The following LRRC45 variants were observed in gnomAD, a reference collection of about 807,000 sequenced individuals.
The protein encoded by LRRC45 is leucine-rich repeat-containing protein 45.
A neutral mutation model predicts 85.4 loss-of-function variants in LRRC45; 73 were observed. The observed-to-expected ratio is 0.85, with a 90% CI of 0.71 to 1.04. The LOEUF is 1.04. LRRC45 is among the 50% of genes least tolerant of loss of function. LRRC45 has a pLI of 0.00. For missense variants in LRRC45, 937 were observed against 883.3 expected (o/e 1.06, Z -0.77); for synonymous variants, 429 against 386.0 (o/e 1.11, Z -1.31).
intron 4 of LRRC45, 48 bp downstream of exon 4, chr17:82,025,226 C>T (rs754899929): frequency 1.8e-5 from 28 of 1,548,306 alleles, no homozygotes; most frequent in Non-Finnish European, 2.3e-5. Flanking sequence ...TCTGAGGCTG[C>T]CTCTGCTCTG....
Position 82,030,448 on chromosome 17 carries a change from C to T in LRRC45, c.1798C>T (p.Leu600=), listed in dbSNP as rs1425227293. ...QEALREKAAA[L]ERQLKVMASD... is the part of the protein sequence containing the mutation. ...GGCGCTGAGGGAGAAGGCGGCGGCCCTGGAGCGCCAGCTGAAAGGTGAGCC... is the reference window on the plus strand; with the variant it reads ...GGCGCTGAGGGAGAAGGCGGCGGCCTTGGAGCGCCAGCTGAAAGGTGAGCC... The change falls in exon 16 of 17, where the codon CTG becomes TTG. Residue 600 remains leucine (L), a synonymous_variant. Coordinates refer to ENST00000306688, the MANE Select transcript of LRRC45 (RefSeq NM_144999.4). 1.3e-6 allele frequency: 2 copies of T among 1,546,312 alleles called. No individual in the cohort carries two copies. The highest frequency in any genetic ancestry group is 2.4e-5 in the East Asian group (1 of 41,048).
rs138761482 is a variant in LRRC45, at chr17:82,027,680, G to A, written c.840G>A (p.Ser280=). 1.5e-5 allele frequency: 24 copies of A among 1,610,102 alleles called. No homozygotes were observed. The highest frequency in any genetic ancestry group is 3.3e-5 in the South Asian group (3 of 90,560). Residue 280 remains serine, a synonymous_variant, in exon 8 of 17, where the codon TCG becomes TCA. Transcript: ENST00000306688. ...CCCTCCTCTCTGCCCACAGGGCGTC[G>A]GCAGCCCGTGTAGGGCAGCTTCAGG... ...REEMAKSSRA[S]AARVGQLQEA...
At chr17:82,027,317 T>C (rs935545393) in intron 6 of LRRC45, 69 bp from the exon 7 acceptor site, 7 of 1,578,334 alleles carry the variant, frequency 4.4e-6, no homozygotes, top group Non-Finnish European at 6.1e-6. Context: ...TGGCTCTCCT[T>C]CCCCCTGAGA....
rs778220280 is a variant in LRRC45 at position 82,024,353 on chromosome 17, A to G, written c.282+14A>G. On this transcript the variant is annotated intron_variant, in intron 2 of 16. Transcript: ENST00000306688. ...CTGGACTTAAAGGTGAGATACCTGC[A>G]CTCTTGAGTGTCCGAGTGTGCCACC... is the stretch of plus-strand genomic sequence containing the variant. 2 of 1,611,420 alleles carry G rather than the reference A, an allele frequency of 1.2e-6. No individual in the cohort carries two copies. The highest frequency in any genetic ancestry group is 8.5e-7 in the Non-Finnish European group (1 of 1,179,802).
At chr17:82,024,555 C>T in intron 2 of LRRC45, 138 bp from the exon 3 acceptor site, 2 of 1,102,344 alleles carry the variant, frequency 1.8e-6, no homozygotes, top group Non-Finnish European at 1.3e-6. Context: ...CCCCTGAAGA[C>T]AGGGAGCCCA....
intron 1 of LRRC45, 137 bp downstream of exon 1, chr17:82,024,000 C>T (rs1428863138): frequency 2.4e-6 from 2 of 829,124 alleles, no homozygotes; most frequent in Non-Finnish European, 3.7e-6. Context: ...CCCCTTCCTG[C>T]ACCTGGGAGT....
rs771444733 is a variant in LRRC45 at position 82,029,203 on chromosome 17, A to G, written c.1401+18A>G. ...TGGAGGAGGTGAGTGCCCACCAGGC[A>G]GGGCCAAGCTCTGCCTTAGTCCTGG... On this transcript the variant is annotated intron_variant, in intron 13 of 16. Transcript: ENST00000306688. The G allele has an allele frequency of 6.2e-7, 1 of 1,605,064 alleles. No individual in the cohort carries two copies. Among genetic ancestry groups the G allele is most frequent in the African/African-American group, 1.3e-5 (1 of 74,828 alleles).
rs2043386010 is a variant in LRRC45 at position 82,028,239 on chromosome 17, T to G, written c.1053T>G (p.Ala351=). 6.4e-7 allele frequency: 1 copy of G among 1,573,584 alleles called. No individual in the cohort carries two copies. Among genetic ancestry groups the G allele is most frequent in the Admixed American group, 1.9e-5 (1 of 53,630 alleles). ...ATACCCCGTTCCCCTCCCAGGAAGC[T>G]GCAGAGCGGGAGTCTAAACTCCTCA... ...AKELKLEQQE[A]AERESKLLRD... Residue 351 remains alanine, a synonymous_variant, in exon 10 of 17, where the codon GCT becomes GCG. Transcript: ENST00000306688.
At chr17:82,024,953 G>A (rs1169179345) in intron 3 of LRRC45, 47 bp from the exon 4 acceptor site, 1 of 1,495,088 alleles carries the variant, frequency 6.7e-7, no homozygotes. Context: ...GGACCCCACG[G>A]GCTAGGCAGT....
At chr17:82,028,950 C>G (rs751394943) in intron 12 of LRRC45, 143 bp from the exon 13 acceptor site, 2 of 786,756 alleles carry the variant, frequency 2.5e-6, no homozygotes, top group South Asian at 1.7e-5. Flanking sequence ...GCGGTAGTTT[C>G]CTGCTAGGCC....
chr17:82,027,789 G>T, intron 8 of LRRC45, 38 bp downstream of exon 8: 1 of 1,597,928 alleles, frequency 6.3e-7, no homozygotes, highest in South Asian at 1.1e-5. Context: ...TCAGAGACGT[G>T]CCCACAGGGC....
Position 82,025,058 on chromosome 17 carries a change from G to A in LRRC45, c.412G>A (p.Gly138Arg), listed in dbSNP as rs780306000. The A allele has an allele frequency of 4.9e-5, 79 of 1,608,754 alleles. No individual in the cohort carries two copies. The highest frequency in any genetic ancestry group is 2.3e-4 in the Admixed American group (14 of 59,578). The change falls in exon 4 of 17, where the codon GGG (glycine) becomes AGG (arginine). Residue 138 changes from glycine (G) to arginine (R), a missense_variant. Gly to Arg is a moderately radical substitution (Grantham distance 125, BLOSUM62 -2). Coordinates refer to ENST00000306688, the MANE Select transcript of LRRC45 (RefSeq NM_144999.4). ...TWDDAFATFC[G>R]GLAANGALQR... The stretch of plus-strand genomic sequence containing the variant: ...GGACGATGCCTTCGCCACCTTCTGC[G>A]GGGGCCTGGCGGCCAACGGCGCCCT...
chr17:82,025,081 C>T lies in LRRC45; in HGVS notation c.435C>T (p.Ala145=). The part of the protein sequence containing the change: ...TFCGGLAANG[A]LQRLDLRNNQ... ...GCGGGGGCCTGGCGGCCAACGGCGC[C>T]CTGCAGCGGCTGGACCTCCGCAACA... is the stretch of plus-strand genomic sequence containing the variant. Residue 145 remains alanine, a synonymous_variant, in exon 4 of 17, where the codon GCC becomes GCT. Transcript: ENST00000306688. The T allele has an allele frequency of 6.2e-7, 1 of 1,610,358 alleles. No individual in the cohort carries two copies. The highest frequency in any genetic ancestry group is 8.5e-7 in the Non-Finnish European group (1 of 1,178,900).
In LRRC45 at chr17:82,030,368, G is replaced by C. The variant is rs761934937; in HGVS notation, c.1718G>C (p.Arg573Pro). 5 of 1,549,782 alleles carry C rather than the reference G, an allele frequency of 3.2e-6. No individual in the cohort carries two copies. The highest frequency in any genetic ancestry group is 2.7e-5 in the African/African-American group (2 of 73,078). Residue 573 changes from arginine to proline, a missense_variant, in exon 16 of 17, where the codon CGC (arginine) becomes CCC (proline). Coordinates refer to ENST00000306688, the MANE Select transcript of LRRC45 (RefSeq NM_144999.4). Reference sequence around the variant, plus strand: ...AGGGTGGCCGAGGTGAGCAGGGTGCGCGTGGAGCTGCAGGAGCAGAACGGC... The same window carrying C: ...AGGGTGGCCGAGGTGAGCAGGGTGCCCGTGGAGCTGCAGGAGCAGAACGGC... Reference protein sequence around the residue: ...QERVAEVSRVRVELQEQNGRL... With the variant: ...QERVAEVSRVPVELQEQNGRL...
At position 82,030,638 on chromosome 17, in the gene LRRC45, C is replaced by A; in HGVS notation, c.1846C>A (p.Leu616Met). 1 of 1,416,652 alleles carries A rather than the reference C, an allele frequency of 7.1e-7. No individual in the cohort carries two copies. Among genetic ancestry groups the A allele is most frequent in the Non-Finnish European group, 9.2e-7 (1 of 1,084,560 alleles). 87.8% of individuals were successfully genotyped at this position (1,416,652 alleles called of 1,614,324 possible). ...GGCGAGCGACCACCGAGAGGCGCTG[C>A]TGGACAGGGAGAGCGAGAACGCGTC... ...VMASDHREAL[L>M]DRESENASLR... The change falls in exon 17 of 17, where the codon CTG becomes ATG. Residue 616 changes from leucine (L) to methionine (M), a missense_variant. Physicochemically the swap from Leu to Met is conservative, Grantham distance 15 (BLOSUM62 2). Transcript: ENST00000306688.
chr17:82,028,326 T>C lies in LRRC45; in HGVS notation c.1125+15T>C, dbSNP rs752546807. On this transcript the variant is annotated intron_variant, in intron 10 of 16. Transcript: ENST00000306688. The stretch of plus-strand genomic sequence containing the variant: ...TGCAAAACCAGGTAGCTGTGGTGGA[T>C]GGAGCCAGGGAGCCCAGGGTGGGCG... 11 of 1,601,196 alleles carry C rather than the reference T, an allele frequency of 6.9e-6. 1 individual carries two copies. The South Asian group carries it at 1.1e-4, about 16-fold the overall frequency.
rs376086300 is a variant in LRRC45, at chr17:82,023,695, G to A, written c.52G>A (p.Glu18Lys). ...YSRLCRESGA[E>K]PQEAVLQQLH... ...CCGCCTGTGCAGGGAGAGTGGGGCC[G>A]AGCCCCAGGAGGCTGTCCTGCAGCA... Residue 18 changes from glutamate (E) to lysine (K), a missense_variant, in exon 1 of 17, where the codon GAG becomes AAG. Transcript: ENST00000306688. The A allele has an allele frequency of 1.3e-6, 2 of 1,552,474 alleles. No homozygotes were observed. Among genetic ancestry groups the A allele is most frequent in the African/African-American group, 1.3e-5 (1 of 74,084 alleles).
chr17:82,027,935 C>G (rs906337907), intron 8 of LRRC45, 76 bp from the exon 9 acceptor site: 3 of 1,541,022 alleles, frequency 1.9e-6, no homozygotes, highest in Admixed American at 3.7e-5. Flanking sequence ...TGCCCAGCAA[C>G]AGTGAAAGCA....
chr17:82,028,464 C>G lies in LRRC45; in HGVS notation c.1193C>G (p.Thr398Ser), dbSNP rs1470697895. ...EQLFQTRQEMTSMSAELKMRA... is the reference protein window; with the variant it reads ...EQLFQTRQEMSSMSAELKMRA... ...CTGTTCCAGACCAGGCAGGAGATGACCAGCATGTCAGCTGAGCTGAAGATG... is the reference window on the plus strand; with the variant it reads ...CTGTTCCAGACCAGGCAGGAGATGAGCAGCATGTCAGCTGAGCTGAAGATG... The change falls in exon 11 of 17, where the codon ACC becomes AGC. Residue 398 changes from threonine (T) to serine (S), a missense_variant. Thr to Ser is a moderately conservative substitution (Grantham distance 58, BLOSUM62 1). Coordinates refer to ENST00000306688, the MANE Select transcript of LRRC45 (RefSeq NM_144999.4). 2 of 1,612,694 alleles carry G rather than the reference C, an allele frequency of 1.2e-6. No individual in the cohort carries two copies. Among genetic ancestry groups the G allele is most frequent in the Non-Finnish European group, 8.5e-7 (1 of 1,179,964 alleles).
Sources: gnomAD v4.1 joint callset for allele counts on GRCh38, gnomAD v4.1.1 for gene constraint, MANE v1.5 for transcripts, NCBI Gene and HGNC (gene_info 2026-07-23, HGNC 2026-07-21) for gene names.